Variants in RGS7 observed in about 807,000 individuals in gnomAD.
RGS7 encodes the protein regulator of G protein signaling 7.
Under a neutral mutation model 81.1 loss-of-function variants are expected in RGS7, and 27 were observed. The ratio of observed to expected loss-of-function variants is 0.33; its 90% CI spans 0.25 to 0.46. The LOEUF is 0.46. RGS7 is among the 20% of genes least tolerant of loss of function. The pLI, the probability that RGS7 is intolerant of heterozygous loss-of-function variation, is 1.00. For missense variants in RGS7, 396 were observed against 607.4 expected (o/e 0.65, Z 3.66); for synonymous variants, 208 against 207.7 (o/e 1.00, Z -0.01).
At chr1:240,829,003 C>T (rs1693344783) in intron 9 of RGS7, among the ~76,000 whole-genome samples, 1 of 152,086 alleles carries the variant, frequency 6.6e-6, no homozygotes, top group African/African-American at 2.4e-5. Context: ...CTCAGCTGTT[C>T]ACTACAGTAA....
chr1:240,924,708 T>C (rs540287024), intron 6 of RGS7, among the ~76,000 whole-genome samples: 1 of 152,284 alleles, frequency 6.6e-6, no homozygotes, highest in African/African-American at 2.4e-5. Flanking sequence ...ACATTGTAAT[T>C]AAGGTCTTTT....
At chr1:240,991,358 G>A (rs914997253) in intron 3 of RGS7, among the ~76,000 whole-genome samples, 1 of 152,168 alleles carries the variant, frequency 6.6e-6, no homozygotes, top group African/African-American at 2.4e-5. Context: ...CAATAATGAG[G>A]AGATAAAAGG....
At chr1:241,071,365 G>C (rs183320715) in intron 3 of RGS7, among the ~76,000 whole-genome samples, 1 of 152,164 alleles carries the variant, frequency 6.6e-6, no homozygotes, top group Admixed American at 6.5e-5. Flanking sequence ...AGCTAGATTA[G>C]CCTAAAAAAA....
Position 241,273,347 on chromosome 1 carries a change from G to T in RGS7, c.78+82352C>A, listed in dbSNP as rs1339685499. On this transcript the variant is annotated intron_variant, in intron 2 of 18. Transcript: ENST00000440928. The stretch of plus-strand genomic sequence containing the variant: ...TAGCAAGATTGGGTATCTGCACATT[G>T]TCAAGACTCTGAAAATATTGTTCTC... 2.6e-5 allele frequency among the ~76,000 whole-genome samples: 4 copies of T among 152,046 alleles called. No individual in the cohort carries two copies. The South Asian group carries it at 6.2e-4, about 24-fold the overall frequency.
rs535064169 is a variant in RGS7, at chr1:240,868,064, G to T, written c.609+523C>A. ...AAAAGAAAGAAAGAAAGAAAGAAAA[G>T]AAGAGAAAAGAAAGAAAGAAAAAGA... On this transcript the variant is annotated intron_variant, in intron 9 of 18. Transcript: ENST00000440928. The surrounding 1 kb of genome is among the most constrained non-coding windows in gnomAD (Gnocchi z 5.1). Among the ~76,000 whole-genome samples, 8 of 125,690 alleles carry T rather than the reference G, an allele frequency of 6.4e-5. No homozygotes were observed. In the South Asian group the frequency reaches 2.1e-3, roughly 33 times the overall value. The allele number at this position is 125,690 out of a possible 152,430, so 82.5% of individuals were successfully genotyped here. A position where few individuals can be genotyped will look rare whatever the true frequency, so the allele number is the denominator to read the frequency against.
chr1:240,977,224 T>C (rs1215311501), intron 4 of RGS7, among the ~76,000 whole-genome samples: 1 of 152,084 alleles, frequency 6.6e-6, no homozygotes, highest in East Asian at 1.9e-4. Flanking sequence ...GACTAAATTC[T>C]TCCTTCCAAT....
chr1:240,801,335 A>T, intron 17 of RGS7, 120 bp downstream of exon 17: 1 of 709,174 alleles, frequency 1.4e-6, no homozygotes, highest in African/African-American at 1.8e-5. Flanking sequence ...AATTTGAATA[A>T]AAGAAACACT....
chr1:241,031,555 C>T (rs570016105), intron 3 of RGS7, among the ~76,000 whole-genome samples: 4 of 152,284 alleles, frequency 2.6e-5, no homozygotes, highest in African/African-American at 9.6e-5. Flanking sequence ...AATCTCCATA[C>T]TGTTTTCCAT....
chr1:241,145,713 T>C (rs2068262994), intron 2 of RGS7, among the ~76,000 whole-genome samples: 1 of 152,162 alleles, frequency 6.6e-6, no homozygotes, highest in African/African-American at 2.4e-5. Context: ...TCCTGCATTC[T>C]AGCCTGGGCG....
chr1:241,059,243 C>G (rs1009665844), intron 3 of RGS7, among the ~76,000 whole-genome samples: 4 of 152,188 alleles, frequency 2.6e-5, no homozygotes, highest in African/African-American at 9.7e-5. Flanking sequence ...GCTTTCCACA[C>G]TATACTCCTT....
At chr1:240,823,647 C>T (rs952745999) in intron 10 of RGS7, among the ~76,000 whole-genome samples, 11 of 152,116 alleles carry the variant, frequency 7.2e-5, no homozygotes, top group Non-Finnish European at 1.6e-4. Flanking sequence ...AAAAGCTTCC[C>T]GGCGACTCAA....
intron 2 of RGS7, among the ~76,000 whole-genome samples, chr1:241,327,357 G>A (rs976806500): frequency 6.6e-6 from 1 of 152,206 alleles, no homozygotes. Flanking sequence ...TATTATGAAT[G>A]TTTTCATATT....
rs186035493 is a variant in RGS7, at chr1:240,833,703, C to T, written c.610-6531G>A. ...AAAACTGCATGCATGATCCATAGTA[C>T]CCCAGTAAGAATGATCCCTTATTCT... On this transcript the variant is annotated intron_variant, in intron 9 of 18. Coordinates refer to ENST00000440928, the MANE Select transcript of RGS7 (RefSeq NM_001364886.1). 4.8e-3 allele frequency among the ~76,000 whole-genome samples: 734 copies of T among 152,134 alleles called. 3 individuals are homozygous for T. The highest frequency in any genetic ancestry group is 7.3e-3 in the Non-Finnish European group (495 of 68,004).
chr1:241,355,047 G>A (rs1558354779), intron 2 of RGS7, among the ~76,000 whole-genome samples: 1 of 152,164 alleles, frequency 6.6e-6, no homozygotes, highest in East Asian at 1.9e-4. Flanking sequence ...AATGTATAAG[G>A]CTGTCAAATC....
At chr1:240,961,106 T>G (rs1681350831) in intron 4 of RGS7, among the ~76,000 whole-genome samples, 1 of 151,942 alleles carries the variant, frequency 6.6e-6, no homozygotes, top group East Asian at 1.9e-4. Context: ...TTGATTAAAA[T>G]GGTAAAAGTA....
intron 2 of RGS7, among the ~76,000 whole-genome samples, chr1:241,334,147 C>T (rs962887401): frequency 1.3e-5 from 2 of 152,038 alleles, no homozygotes; most frequent in African/African-American, 4.8e-5. Flanking sequence ...TATTAAAACT[C>T]TACCTAGGAT....
chr1:241,034,043 T>G (rs1038619362), intron 3 of RGS7, among the ~76,000 whole-genome samples: 4 of 152,208 alleles, frequency 2.6e-5, no homozygotes, highest in African/African-American at 9.6e-5. Context: ...TAGAGACTTG[T>G]CCTGGAAAGT....
chr1:240,792,717 A>T (rs947896119), intron 18 of RGS7, among the ~76,000 whole-genome samples: 1 of 152,236 alleles, frequency 6.6e-6, no homozygotes, highest in Non-Finnish European at 1.5e-5. Context: ...CTGAACAGTT[A>T]ACTTGCATGA....
At chr1:240,855,892 A>G (rs1661031743) in intron 9 of RGS7, among the ~76,000 whole-genome samples, 2 of 152,192 alleles carry the variant, frequency 1.3e-5, no homozygotes, top group African/African-American at 2.4e-5. Context: ...ATTTTAAAAT[A>G]AAATATATTG....
Sources: gnomAD v4.1 joint callset for allele counts (sites outside exome capture counted in the v4.1 genomes callset) on GRCh38, gnomAD v4.1.1 for gene constraint, Gnocchi (gnomAD v3.1) non-coding constraint, MANE v1.5 for transcripts, NCBI Gene and HGNC (gene_info 2026-07-23, HGNC 2026-07-21) for gene names.